Variants in FEZ1 observed in about 807,000 individuals in gnomAD.
The protein encoded by FEZ1 is fasciculation and elongation protein zeta-1.
FEZ1 carries 20 observed loss-of-function variants against 49.3 expected under a neutral mutation model. The observed-to-expected ratio is 0.41, with a 90% CI of 0.29 to 0.59. The LOEUF is 0.59. Ranked by LOEUF, FEZ1 falls within the 20% of genes least tolerant of loss-of-function variation. The pLI, the probability that FEZ1 is intolerant of heterozygous loss-of-function variation, is 0.36. For synonymous variants in FEZ1, 170 were observed against 180.9 expected (o/e 0.94, Z 0.48); for missense variants, 413 against 476.0 (o/e 0.87, Z 1.23).
At chr11:125,487,850 G>A (rs889416118) in intron 2 of FEZ1, among the ~76,000 whole-genome samples, 4 of 152,064 alleles carry the variant, frequency 2.6e-5, no homozygotes, top group Non-Finnish European at 4.4e-5. Flanking sequence ...ACAGATATTT[G>A]GCCCCTCTAT....
intron 3 of FEZ1, among the ~76,000 whole-genome samples, chr11:125,480,464 G>A (rs565783693): frequency 6.6e-6 from 1 of 152,338 alleles, no homozygotes; most frequent in African/African-American, 2.4e-5. Context: ...ATTGTCAAGT[G>A]CAAGATCCGT....
chr11:125,493,300 C>T (rs1434679051), intron 1 of FEZ1, among the ~76,000 whole-genome samples: 2 of 147,498 alleles, frequency 1.4e-5, no homozygotes, highest in African/African-American at 2.5e-5. Flanking sequence ...TGCCATTGCA[C>T]TCCAGCCTGG....
rs1272254599 is a variant in FEZ1 at position 125,488,894 on chromosome 11, G to A, written c.311+573C>T. ...GAAAGTAGCGAGCAAGTGATACAAG[G>A]AATCTGCATACTCAAAGGCCACATC... On this transcript the variant is annotated intron_variant, in intron 2 of 9. Transcript: ENST00000278919. 8.1e-6 allele frequency: 8 copies of A among 985,170 alleles called. No individual in the cohort carries two copies. In the African/African-American group the frequency reaches 1.4e-4, roughly 17 times the overall value. The allele number at this position is 985,170 out of a possible 1,614,324, so 61.0% of individuals were successfully genotyped here.
chr11:125,492,668 G>A (rs1957392818), intron 1 of FEZ1, among the ~76,000 whole-genome samples: 1 of 152,190 alleles, frequency 6.6e-6, no homozygotes. Context: ...ACCTCACTGT[G>A]CCTCAATTTC....
chr11:125,454,390 T>G, intron 6 of FEZ1, 180 bp from the exon 7 acceptor site: 1 of 465,010 alleles, frequency 2.2e-6, no homozygotes, highest in Non-Finnish European at 3.8e-6. Flanking sequence ...TTTGCAAGAA[T>G]AAACAGAGTC....
intron 6 of FEZ1, 145 bp from the exon 7 acceptor site, chr11:125,454,355 G>A: frequency 1.9e-6 from 1 of 528,530 alleles, no homozygotes; most frequent in South Asian, 2.9e-5. Flanking sequence ...GGCTTACAGA[G>A]ACAGGCCAGA....
intron 5 of FEZ1, chr11:125,460,209 A>G (rs1957060674): frequency 3.5e-6 from 1 of 284,158 alleles, no homozygotes; most frequent in East Asian, 6.3e-5. Context: ...TGGTAGCATC[A>G]TTCATTGCTT....
chr11:125,484,685 A>G (rs541112250), intron 2 of FEZ1, among the ~76,000 whole-genome samples: 1 of 151,296 alleles, frequency 6.6e-6, no homozygotes, highest in South Asian at 2.1e-4. Flanking sequence ...AAAAAAGAAG[A>G]AAAGAAAAAA....
chr11:125,464,282 A>T (rs901325313), intron 3 of FEZ1, among the ~76,000 whole-genome samples: 4 of 152,330 alleles, frequency 2.6e-5, no homozygotes, highest in Middle Eastern at 3.4e-3. Flanking sequence ...TAGATGTTTA[A>T]ATCTAACAAG....
intron 5 of FEZ1, among the ~76,000 whole-genome samples, chr11:125,457,648 G>A (rs1206362709): frequency 1.3e-5 from 2 of 151,478 alleles, no homozygotes; most frequent in Non-Finnish European, 2.9e-5. Flanking sequence ...ATTTTTGTGG[G>A]TACATAGGGG....
intron 3 of FEZ1, among the ~76,000 whole-genome samples, chr11:125,471,855 C>T (rs1957185851): frequency 6.6e-6 from 1 of 152,038 alleles, no homozygotes; most frequent in Non-Finnish European, 1.5e-5. Flanking sequence ...TAAGACGTAC[C>T]ATATGCTGGA....
At chr11:125,469,758 G>A (rs1361107677) in intron 3 of FEZ1, among the ~76,000 whole-genome samples, 6 of 132,710 alleles carry the variant, frequency 4.5e-5, no homozygotes, top group African/African-American at 1.7e-4. Flanking sequence ...TTAATTTTTT[G>A]TAGAGACAGG....
chr11:125,493,506 GAGAGAAA>G (rs2135795359), intron 1 of FEZ1, among the ~76,000 whole-genome samples: 2 of 67,550 alleles, frequency 3.0e-5, no homozygotes, highest in South Asian at 5.5e-4. Flanking sequence ...AAGAAAGAAA[GAGAGAAA>G]GAAAGAAAGA....
Position 125,455,850 on chromosome 11 carries a change from G to A in FEZ1, c.924C>T (p.Asn308=), listed in dbSNP as rs77037436. Residue 308 remains asparagine, a synonymous_variant, in exon 6 of 10, where the codon AAC becomes AAT. Transcript: ENST00000278919. Reference sequence around the variant, plus strand: ...GTTCACCTACCTTGAGAGGCATCTGGTTTCCCTTCTCTATCCGGCTGCTCT... The same window carrying A: ...GTTCACCTACCTTGAGAGGCATCTGATTTCCCTTCTCTATCCGGCTGCTCT... ...SLQSSRIEKG[N]QMPLKRFSME... The A allele has an allele frequency of 5.1e-4, 831 of 1,613,962 alleles. 4 individuals are homozygous for A. The African/African-American group carries it at 9.8e-3, about 19-fold the overall frequency.
intron 6 of FEZ1, 177 bp downstream of exon 6, chr11:125,455,658 G>A (rs1591582243): frequency 1.4e-6 from 1 of 697,400 alleles, no homozygotes; most frequent in Non-Finnish European, 2.6e-6. Flanking sequence ...GCCCTTTGGG[G>A]GAGTGGAGGA....
chr11:125,448,045 C>A (rs534067072), intron 9 of FEZ1, among the ~76,000 whole-genome samples: 2 of 152,244 alleles, frequency 1.3e-5, no homozygotes, highest in South Asian at 4.1e-4. Context: ...TTGATGCCAG[C>A]TCATCAGTAC....
rs542212779 is a variant in FEZ1 at position 125,474,086 on chromosome 11, G to A, written c.411+7448C>T. 9.3e-5 allele frequency among the ~76,000 whole-genome samples: 14 copies of A among 150,392 alleles called. No individual in the cohort carries two copies. The East Asian group carries it at 2.4e-3, about 26-fold the overall frequency. ...GTTGCCCAGACTGGAGTGCAATGGT[G>A]CAATCTCAACCCACTGCAACCTCTG... On this transcript the variant is annotated intron_variant, in intron 3 of 9. Transcript: ENST00000278919.
At position 125,444,582 on chromosome 11, in the gene FEZ1, T is replaced by G. The variant is rs1315387762; in HGVS notation, c.*1513A>C. On this transcript the variant is annotated 3_prime_UTR_variant, in exon 10 of 10. Transcript: ENST00000278919. ...CCTGAGCAACAAGAGTCAAACTCCG[T>G]CTGAAAAAAAAAAAGCAGAGGCCCA... is the stretch of plus-strand genomic sequence containing the variant. Among the ~76,000 whole-genome samples the G allele has an allele frequency of 6.6e-6, 1 of 150,522 alleles. No homozygotes were observed. Among genetic ancestry groups the G allele is most frequent in the Admixed American group, 6.6e-5 (1 of 15,116 alleles).
intron 3 of FEZ1, among the ~76,000 whole-genome samples, chr11:125,468,518 G>A (rs1012262581): frequency 6.6e-6 from 1 of 152,094 alleles, no homozygotes; most frequent in African/African-American, 2.4e-5. Flanking sequence ...ATGATTTCCT[G>A]TTTCCATTTC....
Sources: allele counts gnomAD v4.1 joint callset (sites outside exome capture counted in the v4.1 genomes callset), GRCh38; gene constraint gnomAD v4.1.1; transcripts MANE v1.5; gene names NCBI Gene and HGNC (gene_info 2026-07-23, HGNC 2026-07-21).